Variants in ADGRL3 observed in about 807,000 individuals in gnomAD.
ADGRL3 encodes calcium-independent alpha-latrotoxin receptor 3.
A neutral mutation model predicts 153.5 loss-of-function variants in ADGRL3; 62 were observed. The ratio of observed to expected loss-of-function variants is 0.40; its 90% CI spans 0.33 to 0.50. The LOEUF (loss-of-function observed/expected upper bound fraction) is 0.50. ADGRL3 is among the 20% of genes least tolerant of loss of function. ADGRL3 has a pLI of 0.47. For synonymous variants in ADGRL3, 710 were observed against 672.5 expected (o/e 1.06, Z -0.86); for missense variants, 1,641 against 1,859.4 (o/e 0.88, Z 2.16).
chr4:61,438,229 C>A (rs2097477470), intron 2 of ADGRL3, among the ~76,000 whole-genome samples: 1 of 151,904 alleles, frequency 6.6e-6, no homozygotes, highest in East Asian at 1.9e-4. Flanking sequence ...TATTTTAGTA[C>A]CTCTTTTGGA....
chr4:61,510,983 C>T (rs1325029504), intron 3 of ADGRL3, among the ~76,000 whole-genome samples: 2 of 152,062 alleles, frequency 1.3e-5, no homozygotes, highest in African/African-American at 4.8e-5. Context: ...TTTTCACCCC[C>T]CTGATTAGAT....
chr4:61,358,258 T>A (rs1014364877), intron 1 of ADGRL3, among the ~76,000 whole-genome samples: 1 of 152,188 alleles, frequency 6.6e-6, no homozygotes, highest in Non-Finnish European at 1.5e-5. Context: ...AGTTGTATCA[T>A]GTTATTTTTC....
chr4:61,966,585 T>A (rs1460725182), intron 17 of ADGRL3, among the ~76,000 whole-genome samples: 1 of 151,690 alleles, frequency 6.6e-6, no homozygotes, highest in Non-Finnish European at 1.5e-5. Flanking sequence ...TGTGTGTGTG[T>A]GTGTGTGTGT....
At chr4:61,546,189 A>G (rs1156866112) in intron 4 of ADGRL3, among the ~76,000 whole-genome samples, 1 of 151,636 alleles carries the variant, frequency 6.6e-6, no homozygotes. Context: ...CCGGATTTCA[A>G]CTCTCTGACG....
chr4:61,239,458 A>AGGAG (rs1754100388), intron 1 of ADGRL3, among the ~76,000 whole-genome samples: 1 of 152,106 alleles, frequency 6.6e-6, no homozygotes. Flanking sequence ...GATGGCTATT[A>AGGAG]AAATAGCCCT....
In ADGRL3 at chr4:61,644,122, G is replaced by A. The variant is rs1156848191; in HGVS notation, c.474-32704G>A. On this transcript the variant is annotated intron_variant, in intron 5 of 26. Coordinates refer to ENST00000683033, the MANE Select transcript of ADGRL3 (RefSeq NM_001387552.1). ...CTGATGGTAGTTTGTATTTCTGTGG[G>A]ATCGGTGGTGATATCCCCTTTATCA... Among the ~76,000 whole-genome samples the A allele has an allele frequency of 1.1e-4, 11 of 101,304 alleles. 1 individual carries two copies. The highest frequency in any genetic ancestry group is 3.8e-4 in the African/African-American group (10 of 26,372). The allele number at this position is 101,304 out of a possible 152,430, so 66.5% of individuals were successfully genotyped here.
chr4:61,654,339 A>T (rs1482266733), intron 5 of ADGRL3, among the ~76,000 whole-genome samples: 1 of 151,996 alleles, frequency 6.6e-6, no homozygotes, highest in Admixed American at 6.6e-5. Flanking sequence ...TCAAATTTGG[A>T]TATGCGTACA....
intron 23 of ADGRL3, 41 bp from the exon 24 acceptor site, chr4:62,037,690 A>G (rs370751617): frequency 2.6e-5 from 42 of 1,611,782 alleles, no homozygotes; most frequent in Non-Finnish European, 3.3e-5. Flanking sequence ...CCTACCTGCA[A>G]TGAATTACTT....
At chr4:61,938,639 G>A (rs2098850243) in intron 15 of ADGRL3, among the ~76,000 whole-genome samples, 1 of 152,054 alleles carries the variant, frequency 6.6e-6, no homozygotes. Context: ...TGCCGCTGCT[G>A]CTGCTGCTAT....
At chr4:61,754,667 G>C (rs959185128) in intron 8 of ADGRL3, among the ~76,000 whole-genome samples, 6 of 151,926 alleles carry the variant, frequency 3.9e-5, no homozygotes, top group Non-Finnish European at 7.4e-5. Flanking sequence ...TGTGCACAAT[G>C]TGCAGGTTAG....
At chr4:61,507,542 A>G (rs1194102903) in intron 3 of ADGRL3, among the ~76,000 whole-genome samples, 1 of 152,206 alleles carries the variant, frequency 6.6e-6, no homozygotes, top group Non-Finnish European at 1.5e-5. Context: ...ATAAAAACTA[A>G]CGGAAATTAA....
intron 17 of ADGRL3, among the ~76,000 whole-genome samples, chr4:61,968,280 T>A (rs2099014088): frequency 6.6e-6 from 1 of 152,158 alleles, no homozygotes; most frequent in African/African-American, 2.4e-5. Context: ...AAATGAGTCG[T>A]TTTTTCACTC....
At chr4:61,369,392 G>A (rs1415421709) in intron 1 of ADGRL3, among the ~76,000 whole-genome samples, 1 of 152,130 alleles carries the variant, frequency 6.6e-6, no homozygotes, top group Non-Finnish European at 1.5e-5. Flanking sequence ...TTATTATTTT[G>A]AGATATGTCC....
At chr4:61,757,060 G>C (rs865868981) in intron 8 of ADGRL3, among the ~76,000 whole-genome samples, 1 of 152,108 alleles carries the variant, frequency 6.6e-6, no homozygotes, top group Non-Finnish European at 1.5e-5. Flanking sequence ...ATGTTCATCA[G>C]AGATATTGGT....
At position 61,432,559 on chromosome 4, in the gene ADGRL3, C is replaced by T. The variant is rs996545508; in HGVS notation, c.-174+49370C>T. 7.3e-4 allele frequency among the ~76,000 whole-genome samples: 24 copies of T among 32,776 alleles called. 2 individuals are homozygous for T. Among genetic ancestry groups the T allele is most frequent in the African/African-American group, 8.7e-4 (23 of 26,380 alleles). The allele number at this position is 32,776 out of a possible 152,430, so 21.5% of individuals were successfully genotyped here. On this transcript the variant is annotated intron_variant, in intron 2 of 26. Transcript: ENST00000683033. ...CAAAACCAATAGCCTTTATAGATTT[C>T]TTTTCTTTCTCTTCCTTTCTTTCTT...
At chr4:61,963,154 AT>A (rs929678560) in intron 17 of ADGRL3, among the ~76,000 whole-genome samples, 4 of 150,028 alleles carry the variant, frequency 2.7e-5, no homozygotes, top group Non-Finnish European at 6.0e-5. Context: ...TGCAATATAT[AT>A]TTTTTCAATA....
chr4:61,897,551 T>C (rs965214116), intron 11 of ADGRL3, among the ~76,000 whole-genome samples: 2 of 152,210 alleles, frequency 1.3e-5, no homozygotes, highest in African/African-American at 2.4e-5. Flanking sequence ...CCTACTCTTT[T>C]ACTTGGTTGT....
intron 19 of ADGRL3, among the ~76,000 whole-genome samples, chr4:61,985,326 G>A (rs181565528): frequency 6.6e-6 from 1 of 152,062 alleles, no homozygotes; most frequent in Non-Finnish European, 1.5e-5. Flanking sequence ...GACAGGCAAG[G>A]TACATTTTGA....
intron 5 of ADGRL3, among the ~76,000 whole-genome samples, chr4:61,668,259 A>C (rs1477896247): frequency 6.6e-6 from 1 of 152,228 alleles, no homozygotes; most frequent in Non-Finnish European, 1.5e-5. Context: ...CACAAGCCGA[A>C]GAATGAGGGC....
Sources: allele counts gnomAD v4.1 joint callset (sites outside exome capture counted in the v4.1 genomes callset), GRCh38; gene constraint gnomAD v4.1.1; transcripts MANE v1.5; gene names NCBI Gene and HGNC (gene_info 2026-07-23, HGNC 2026-07-21).